The following MEI1 variants were observed in gnomAD, a reference collection of about 807,000 sequenced individuals.
MEI1 encodes meiosis inhibitor protein 1.
In MEI1, 103 loss-of-function variants were observed where a neutral mutation model predicts 146.2. That is an observed-to-expected ratio of 0.70 (90% confidence interval 0.60 to 0.83). MEI1 has a LOEUF of 0.83. MEI1 is among the 40% of genes least tolerant of loss of function. The pLI is 0.00. For missense variants in MEI1, 1,529 were observed against 1,533.0 expected (o/e 1.00, Z 0.04); for synonymous variants, 652 against 628.2 (o/e 1.04, Z -0.57).
At chr22:41,761,664 A>G (rs569409102) in intron 18 of MEI1, among the ~76,000 whole-genome samples, 83 of 152,290 alleles carry the variant, frequency 5.5e-4, no homozygotes, top group African/African-American at 1.8e-3. Flanking sequence ...TTTACACAAC[A>G]TAAGCTTGAC....
intron 23 of MEI1, 106 bp downstream of exon 23, chr22:41,781,500 G>A: frequency 2.5e-6 from 3 of 1,180,738 alleles, no homozygotes; most frequent in East Asian, 2.6e-5. Context: ...GTGTGTGGCT[G>A]GTGGTCATAA....
rs757984668 is a variant in MEI1, at chr22:41,748,215, C to T, written c.1789C>T (p.Leu597Phe). 5 of 1,608,084 alleles carry T rather than the reference C, an allele frequency of 3.1e-6. No homozygotes were observed. Among genetic ancestry groups the T allele is most frequent in the South Asian group, 1.1e-5 (1 of 90,960 alleles). Reference protein sequence around the residue: ...PHMKEKFSKKLASSSFIRLTL... With the variant: ...PHMKEKFSKKFASSSFIRLTL... The stretch of plus-strand genomic sequence containing the variant: ...CATGAAGGAGAAGTTTTCCAAGAAG[C>T]TTGGTAGGCAGCAGGCAAATGTGGA... The change falls in exon 15 of 31, where the codon CTT becomes TTT. Residue 597 changes from leucine to phenylalanine, a missense_variant. Coordinates refer to ENST00000401548, the MANE Select transcript of MEI1 (RefSeq NM_152513.4).
chr22:41,738,787 AAAT>A (rs2147693983), intron 11 of MEI1, among the ~76,000 whole-genome samples: 1 of 132,084 alleles, frequency 7.6e-6, no homozygotes, highest in South Asian at 2.4e-4. Flanking sequence ...AAAAATAAAT[AAAT>A]AAATAAGTAA....
At chr22:41,781,944 G>C in intron 24 of MEI1, 99 bp downstream of exon 24, 1 of 1,368,156 alleles carries the variant, frequency 7.3e-7, no homozygotes, top group Non-Finnish European at 1.0e-6. Flanking sequence ...CTTATTAGCT[G>C]TGTGACCTTG....
intron 22 of MEI1, among the ~76,000 whole-genome samples, chr22:41,780,625 G>GGT (rs1171144261): frequency 1.0e-4 from 15 of 146,796 alleles, no homozygotes; most frequent in Admixed American, 4.2e-4. Flanking sequence ...CTGTCACCCA[G>GGT]GTTGAAGTAT....
intron 26 of MEI1, among the ~76,000 whole-genome samples, chr22:41,788,278 C>G (rs563486572): frequency 1.3e-5 from 2 of 151,968 alleles, no homozygotes; most frequent in Non-Finnish European, 2.9e-5. Flanking sequence ...ATCCACCTGC[C>G]TCGGCATCCC....
At position 41,763,189 on chromosome 22, in the gene MEI1, A is replaced by G; in HGVS notation, c.2136A>G (p.Ala712=). The G allele has an allele frequency of 6.2e-7, 1 of 1,613,942 alleles. No homozygotes were observed. Among genetic ancestry groups the G allele is most frequent in the Non-Finnish European group, 8.5e-7 (1 of 1,179,856 alleles). Residue 712 remains alanine, a synonymous_variant, in exon 19 of 31, where the codon GCA becomes GCG. Coordinates refer to ENST00000401548, the MANE Select transcript of MEI1 (RefSeq NM_152513.4). Reference sequence around the variant, plus strand: ...TGGTTGACAGGTTTGTCTCAGAGGCAGAGTTATTTGAGGCTGTGCAAAGCT... The same window carrying G: ...TGGTTGACAGGTTTGTCTCAGAGGCGGAGTTATTTGAGGCTGTGCAAAGCT... ...YIHEDRFVSE[A]ELFEAVQSFL...
chr22:41,764,030 T>A (rs552039878), intron 19 of MEI1, among the ~76,000 whole-genome samples: 9 of 147,938 alleles, frequency 6.1e-5, no homozygotes, highest in Admixed American at 2.8e-4. Context: ...GCAGGATCGC[T>A]GCTGACCACA....
chr22:41,728,297 C>T (rs1405158020), intron 7 of MEI1, among the ~76,000 whole-genome samples: 1 of 152,244 alleles, frequency 6.6e-6, no homozygotes, highest in Admixed American at 6.5e-5. Context: ...TTCCCAAACC[C>T]AGCCAAGAGC....
In MEI1 at chr22:41,746,405, C is replaced by T. The variant is rs890256836; in HGVS notation, c.1680+379C>T. On this transcript the variant is annotated intron_variant, in intron 14 of 30. Coordinates refer to ENST00000401548, the MANE Select transcript of MEI1 (RefSeq NM_152513.4). ...CTGTAGTTATAAAGCAAGCCCATAA[C>T]GTGCTGAGATTGAACCTATGACTTC... is the stretch of plus-strand genomic sequence containing the variant. Among the ~76,000 whole-genome samples, 7 of 152,160 alleles carry T rather than the reference C, an allele frequency of 4.6e-5. No individual in the cohort carries two copies. The South Asian group carries it at 1.0e-3, about 23-fold the overall frequency.
intron 17 of MEI1, among the ~76,000 whole-genome samples, chr22:41,755,784 GA>G (rs2074051378): frequency 1.3e-5 from 2 of 152,172 alleles, no homozygotes; most frequent in Admixed American, 6.5e-5. Flanking sequence ...TTATATTGAT[GA>G]GAGCATGCTT....
chr22:41,780,056 C>A (rs1048557174), intron 22 of MEI1, among the ~76,000 whole-genome samples: 26 of 152,174 alleles, frequency 1.7e-4, no homozygotes, highest in African/African-American at 5.3e-4. Flanking sequence ...ACTGGGGACG[C>A]ATTGCAGATG....
chr22:41,701,082 T>C (rs887154573), intron 1 of MEI1, among the ~76,000 whole-genome samples: 4 of 151,826 alleles, frequency 2.6e-5, no homozygotes, highest in African/African-American at 9.7e-5. Context: ...TGGGATTACA[T>C]GCATGCGTCA....
intron 1 of MEI1, among the ~76,000 whole-genome samples, chr22:41,701,986 A>G (rs986884873): frequency 6.6e-6 from 1 of 152,190 alleles, no homozygotes; most frequent in Non-Finnish European, 1.5e-5. Flanking sequence ...GCTTGAACAT[A>G]ATCTGTCAGA....
At chr22:41,722,899 A>G (rs190051511) in intron 6 of MEI1, among the ~76,000 whole-genome samples, 6 of 152,316 alleles carry the variant, frequency 3.9e-5, no homozygotes, top group African/African-American at 9.6e-5. Flanking sequence ...GAATCCCAGC[A>G]TAAGTACCAG....
intron 23 of MEI1, 92 bp downstream of exon 23, chr22:41,781,486 T>TTG (rs2075755181): frequency 8.2e-7 from 1 of 1,220,606 alleles, no homozygotes; most frequent in Non-Finnish European, 1.2e-6. Flanking sequence ...ACAAATAGGG[T>TTG]TGTGTGTGTG....
intron 20 of MEI1, among the ~76,000 whole-genome samples, chr22:41,775,350 C>G (rs2075384908): frequency 6.6e-6 from 1 of 152,096 alleles, no homozygotes; most frequent in African/African-American, 2.4e-5. Context: ...GACATCATTT[C>G]TCTTTCCTTC....
chr22:41,715,942 A>G (rs2070106887), intron 4 of MEI1, 99 bp from the exon 5 acceptor site: 3 of 821,162 alleles, frequency 3.7e-6, no homozygotes, highest in Admixed American at 4.6e-5. Flanking sequence ...TGAGAGACAC[A>G]TGCAATACAG....
At chr22:41,713,102 C>A (rs1316418264) in intron 3 of MEI1, among the ~76,000 whole-genome samples, 1 of 152,074 alleles carries the variant, frequency 6.6e-6, no homozygotes, top group Non-Finnish European at 1.5e-5. Context: ...AGCCACCGCG[C>A]CCGGCTGGGC....
Sources: gnomAD v4.1 joint callset for allele counts (sites outside exome capture counted in the v4.1 genomes callset) on GRCh38, gnomAD v4.1.1 for gene constraint, MANE v1.5 for transcripts, NCBI Gene and HGNC (gene_info 2026-07-23, HGNC 2026-07-21) for gene names.